ADK: variants seen among roughly 807,000 people sequenced by gnomAD.
ADK encodes the protein adenosine kinase, also known as N6,N6-dimethyladenosine kinase.
A neutral mutation model predicts 44.7 loss-of-function variants in ADK; 24 were observed. That is an observed-to-expected ratio of 0.54 (90% confidence interval 0.39 to 0.76). The LOEUF (loss-of-function observed/expected upper bound fraction) is 0.76. Among genes scored for constraint, ADK ranks in the 30% least tolerant of loss-of-function variants. ADK has a pLI of 0.00. For synonymous variants in ADK, 128 were observed against 142.6 expected (o/e 0.90, Z 0.73); for missense variants, 321 against 425.1 (o/e 0.76, Z 2.15).
intron 6 of ADK, among the ~76,000 whole-genome samples, chr10:74,431,708 T>C (rs1845005699): frequency 1.3e-5 from 2 of 151,778 alleles, no homozygotes; most frequent in Admixed American, 1.3e-4. Flanking sequence ...GCCACTGTGC[T>C]CCAGCCTGGG....
intron 10 of ADK, among the ~76,000 whole-genome samples, chr10:74,696,795 C>T (rs530346902): frequency 5.9e-5 from 9 of 152,230 alleles, no homozygotes; most frequent in Middle Eastern, 3.4e-3. Flanking sequence ...AATATTTTCA[C>T]TTGCTTTCTT....
intron 6 of ADK, among the ~76,000 whole-genome samples, chr10:74,411,853 T>G (rs1310768378): frequency 6.6e-6 from 1 of 152,234 alleles, no homozygotes; most frequent in African/African-American, 2.4e-5. Context: ...TTAACAGTTA[T>G]GTTTATGCAG....
chr10:74,547,849 G>A (rs1015652970), intron 7 of ADK, among the ~76,000 whole-genome samples: 5 of 152,008 alleles, frequency 3.3e-5, no homozygotes, highest in Admixed American at 6.6e-5. Flanking sequence ...GTAGAGACAG[G>A]GTTTCTCCAT....
intron 6 of ADK, among the ~76,000 whole-genome samples, chr10:74,464,390 TA>T (rs76925072): frequency 0.013 from 1,853 of 146,802 alleles, 39 homozygotes; most frequent in African/African-American, 0.041. Context: ...TCTATTAATT[TA>T]AAAAAAAAAA....
chr10:74,181,610 T>C (rs1842560197), intron 1 of ADK, among the ~76,000 whole-genome samples: 1 of 152,170 alleles, frequency 6.6e-6, no homozygotes, highest in Non-Finnish European at 1.5e-5. Context: ...ATCTTAGCAT[T>C]TTACTTTTTT....
At chr10:74,459,932 C>T (rs1033928691) in intron 6 of ADK, among the ~76,000 whole-genome samples, 1 of 152,058 alleles carries the variant, frequency 6.6e-6, no homozygotes, top group Admixed American at 6.6e-5. Context: ...CACCCCAACC[C>T]AAGCCTGTGA....
At chr10:74,554,131 T>G (rs1006952509) in intron 7 of ADK, among the ~76,000 whole-genome samples, 2 of 152,172 alleles carry the variant, frequency 1.3e-5, no homozygotes, top group African/African-American at 4.8e-5. Context: ...TCATACTCTT[T>G]CTTGTGATAA....
chr10:74,593,347 C>G (rs1388375991), intron 8 of ADK, among the ~76,000 whole-genome samples: 1 of 152,078 alleles, frequency 6.6e-6, no homozygotes, highest in African/African-American at 2.4e-5. Context: ...GTACATACCA[C>G]TTTGATAGAC....
chr10:74,330,728 A>G (rs1841189121), intron 4 of ADK, among the ~76,000 whole-genome samples: 1 of 152,172 alleles, frequency 6.6e-6, no homozygotes, highest in African/African-American at 2.4e-5. Flanking sequence ...AGCGGCAACC[A>G]GCACCAATAT....
At chr10:74,668,115 G>C (rs1855032047) in intron 9 of ADK, among the ~76,000 whole-genome samples, 1 of 151,958 alleles carries the variant, frequency 6.6e-6, no homozygotes, top group Non-Finnish European at 1.5e-5. Context: ...TCATTAACTT[G>C]AGCTCATTTT....
chr10:74,316,479 T>G (rs1840624221), intron 4 of ADK, among the ~76,000 whole-genome samples: 1 of 152,182 alleles, frequency 6.6e-6, no homozygotes, highest in Non-Finnish European at 1.5e-5. Context: ...GCTATTCTCC[T>G]GATAGTGAGT....
intron 7 of ADK, among the ~76,000 whole-genome samples, chr10:74,584,544 A>G (rs1227651027): frequency 6.6e-6 from 1 of 152,202 alleles, no homozygotes; most frequent in Admixed American, 6.6e-5. Flanking sequence ...TTTATATACA[A>G]TTATATGAAT....
At chr10:74,541,784 A>ACCC (rs201973153) in intron 7 of ADK, among the ~76,000 whole-genome samples, 12 of 43,038 alleles carry the variant, frequency 2.8e-4, no homozygotes, top group African/African-American at 5.1e-4. Context: ...CAGAACGAGA[A>ACCC]CCCCCACACA....
chr10:74,452,936 C>T (rs1845824245), intron 6 of ADK, among the ~76,000 whole-genome samples: 1 of 151,904 alleles, frequency 6.6e-6, no homozygotes, highest in Non-Finnish European at 1.5e-5. Flanking sequence ...AAAATAAGAA[C>T]AACTTATATA....
intron 6 of ADK, among the ~76,000 whole-genome samples, chr10:74,463,805 T>C (rs1846256650): frequency 6.6e-6 from 1 of 152,196 alleles, no homozygotes; most frequent in Admixed American, 6.5e-5. Context: ...TCTTGTCTTT[T>C]TTTTACGTCT....
intron 6 of ADK, among the ~76,000 whole-genome samples, chr10:74,427,036 A>G (rs1844821388): frequency 6.6e-6 from 1 of 152,138 alleles, no homozygotes; most frequent in Non-Finnish European, 1.5e-5. Flanking sequence ...TAAAATGAAT[A>G]CTATATCCAT....
chr10:74,386,358 A>G (rs1204343852), intron 4 of ADK, among the ~76,000 whole-genome samples: 1 of 152,182 alleles, frequency 6.6e-6, no homozygotes, highest in Non-Finnish European at 1.5e-5. Flanking sequence ...AGCATATGGC[A>G]TTATTTCAGA....
chr10:74,457,716 A>C lies in ADK; in HGVS notation c.555+59137A>C, dbSNP rs532642627. On this transcript the variant is annotated intron_variant, in intron 6 of 10. Coordinates refer to ENST00000539909, the MANE Select transcript of ADK (RefSeq NM_006721.4). Reference sequence around the variant, plus strand: ...AAAAGGATGAGTTCATGTCCTTTGCAGGGACATGGATAAATCTGGAAACCA... The same window carrying C: ...AAAAGGATGAGTTCATGTCCTTTGCCGGGACATGGATAAATCTGGAAACCA... 2.0e-5 allele frequency among the ~76,000 whole-genome samples: 3 copies of C among 152,342 alleles called. No individual in the cohort carries two copies. In the South Asian group the frequency reaches 6.2e-4, roughly 32 times the overall value.
At chr10:74,201,281 A>G (rs182581205) in intron 2 of ADK, among the ~76,000 whole-genome samples, 3 of 152,308 alleles carry the variant, frequency 2.0e-5, no homozygotes, top group Admixed American at 2.0e-4. Flanking sequence ...TTCAGAGGAT[A>G]TGAAGCTCTG....
Sources: allele counts gnomAD v4.1 joint callset (sites outside exome capture counted in the v4.1 genomes callset), GRCh38; gene constraint gnomAD v4.1.1; transcripts MANE v1.5; gene names NCBI Gene and HGNC (gene_info 2026-07-23, HGNC 2026-07-21).